TTC28: variants seen among roughly 807,000 people sequenced by gnomAD.
TTC28 encodes the protein tetratricopeptide repeat protein 28.
Under a neutral mutation model 198.0 loss-of-function variants are expected in TTC28, and 61 were observed. The observed-to-expected ratio is 0.31, with a 90% CI of 0.25 to 0.38. The LOEUF (loss-of-function observed/expected upper bound fraction) is 0.38. Ranked by LOEUF, TTC28 falls within the 10% of genes least tolerant of loss-of-function variation. The probability of loss-of-function intolerance (pLI) is 1.00; values close to 1 mark genes in which losing one functional copy is unlikely to be tolerated. For synonymous variants in TTC28, 1,171 were observed against 1,297.8 expected (o/e 0.90, Z 2.10); for missense variants, 2,678 against 3,164.0 (o/e 0.85, Z 3.69).
Position 27,985,101 on chromosome 22 carries a change from G to A in TTC28, c.5815+148C>T, listed in dbSNP as rs1009070364. Reference sequence around the variant, plus strand: ...CAGGGAGTTTTTGTTTCCTGCTCCTGAATAGTCCCTAACTGTTCCCTAACA... The same window carrying A: ...CAGGGAGTTTTTGTTTCCTGCTCCTAAATAGTCCCTAACTGTTCCCTAACA... On this transcript the variant is annotated intron_variant, in intron 22 of 22. Transcript: ENST00000397906. 281 of 586,240 alleles carry A rather than the reference G, an allele frequency of 4.8e-4. 2 individuals carry two copies. Among genetic ancestry groups the A allele is most frequent in the Non-Finnish European group, 1.0e-4 (34 of 334,490 alleles). The allele number at this position is 586,240 out of a possible 1,614,324, so 36.3% of individuals were successfully genotyped here. A position where few individuals can be genotyped will look rare whatever the true frequency, so the allele number is the denominator to read the frequency against.
At chr22:28,225,362 AAAAG>A (rs1389231025) in intron 5 of TTC28, among the ~76,000 whole-genome samples, 2,127 of 108,934 alleles carry the variant, frequency 0.02, 67 homozygotes, top group African/African-American at 0.077. Flanking sequence ...GTTAAAAAAA[AAAAG>A]AAAAGAAGAA....
intron 12 of TTC28, among the ~76,000 whole-genome samples, chr22:28,089,666 AT>A (rs1371638933): frequency 1.3e-5 from 2 of 150,500 alleles, no homozygotes; most frequent in Admixed American, 1.3e-4. Context: ...AAGTATAATA[AT>A]AATAAAATAA....
chr22:28,182,170 G>A (rs560590416), intron 5 of TTC28, among the ~76,000 whole-genome samples: 2 of 152,256 alleles, frequency 1.3e-5, no homozygotes, highest in African/African-American at 4.8e-5. Context: ...TGGAGGGTGT[G>A]TAACCTAGCT....
At chr22:28,364,292 T>C (rs1449804834) in intron 2 of TTC28, among the ~76,000 whole-genome samples, 5 of 152,196 alleles carry the variant, frequency 3.3e-5, no homozygotes, top group East Asian at 1.9e-4. Flanking sequence ...CTGCCATCCA[T>C]GTAAGATGTG....
intron 2 of TTC28, among the ~76,000 whole-genome samples, chr22:28,480,294 C>A (rs1250611866): frequency 6.6e-6 from 1 of 152,126 alleles, no homozygotes; most frequent in African/African-American, 2.4e-5. Flanking sequence ...TCTCATGTAA[C>A]TAAGCTATAC....
intron 5 of TTC28, among the ~76,000 whole-genome samples, chr22:28,184,399 G>A (rs1363585729): frequency 1.3e-5 from 2 of 151,954 alleles, no homozygotes; most frequent in African/African-American, 4.8e-5. Flanking sequence ...CCCTTGTGTG[G>A]CATTTGTCAG....
chr22:28,101,423 T>C, intron 8 of TTC28, 143 bp from the exon 9 acceptor site: 1 of 695,228 alleles, frequency 1.4e-6, no homozygotes, highest in Non-Finnish European at 2.4e-6. Context: ...TGGAGTGCAG[T>C]GGCAGCTCAC....
chr22:28,131,230 AT>A (rs936082761), intron 6 of TTC28, among the ~76,000 whole-genome samples: 8 of 151,782 alleles, frequency 5.3e-5, no homozygotes, highest in East Asian at 1.9e-4. Context: ...TTAAAAACAC[AT>A]TTTTTTTTCT....
chr22:28,554,852 C>T (rs113406169), intron 2 of TTC28, among the ~76,000 whole-genome samples: 19 of 152,052 alleles, frequency 1.2e-4, no homozygotes, highest in African/African-American at 4.6e-4. Context: ...GCCTGGGTAA[C>T]AGAGTGAGAC....
chr22:28,227,423 C>T (rs1176778298), intron 5 of TTC28, among the ~76,000 whole-genome samples: 2 of 151,984 alleles, frequency 1.3e-5, no homozygotes, highest in Non-Finnish European at 2.9e-5. Context: ...TTTTGTGTAT[C>T]GAAGGTCACT....
intron 6 of TTC28, among the ~76,000 whole-genome samples, chr22:28,128,950 A>C (rs2146958365): frequency 6.6e-6 from 1 of 152,360 alleles, no homozygotes; most frequent in Non-Finnish European, 1.5e-5. Flanking sequence ...GTAAGAAGTA[A>C]GACAACTGAG....
chr22:28,228,708 A>C (rs1403175636), intron 5 of TTC28, among the ~76,000 whole-genome samples: 2 of 151,988 alleles, frequency 1.3e-5, no homozygotes, highest in African/African-American at 4.8e-5. Flanking sequence ...AAAAACAAAA[A>C]CAAAAACAAA....
chr22:28,122,343 T>C (rs1364872462), intron 6 of TTC28, among the ~76,000 whole-genome samples: 1 of 152,208 alleles, frequency 6.6e-6, no homozygotes, highest in African/African-American at 2.4e-5. Context: ...TCTGAACCAA[T>C]GTCAGGTGCC....
intron 7 of TTC28, among the ~76,000 whole-genome samples, 190 bp downstream of exon 7, chr22:28,106,872 T>C (rs955067409): frequency 6.6e-6 from 1 of 152,194 alleles, no homozygotes; most frequent in Non-Finnish European, 1.5e-5. Flanking sequence ...TGGGCTTTAG[T>C]TTCTTCATCC....
At chr22:28,295,301 T>C (rs1298835329) in intron 5 of TTC28, among the ~76,000 whole-genome samples, 1 of 152,202 alleles carries the variant, frequency 6.6e-6, no homozygotes, top group African/African-American at 2.4e-5. Context: ...ACTAAACATA[T>C]TTCTCAACAC....
At chr22:28,475,149 C>CAA (rs386395148) in intron 2 of TTC28, among the ~76,000 whole-genome samples, 2,187 of 64,814 alleles carry the variant, frequency 0.034, 64 homozygotes, top group Non-Finnish European at 0.039. Context: ...GACTCCATCT[C>CAA]AAAAAAAAAA....
intron 5 of TTC28, among the ~76,000 whole-genome samples, chr22:28,240,054 A>G (rs1047003339): frequency 2.6e-5 from 4 of 152,236 alleles, no homozygotes; most frequent in African/African-American, 9.6e-5. Flanking sequence ...ACAGAAATGA[A>G]TGAATCTGAC....
At position 28,425,757 on chromosome 22, in the gene TTC28, T is replaced by C. The variant is rs562090508; in HGVS notation, c.382-119114A>G. On this transcript the variant is annotated intron_variant, in intron 2 of 22. Transcript: ENST00000397906. Reference sequence around the variant, plus strand: ...CAAGGCCTTGAAGAATGAGTTCAACTTGGGCAAGCTGCGATGGAATGAGGG... The same window carrying C: ...CAAGGCCTTGAAGAATGAGTTCAACCTGGGCAAGCTGCGATGGAATGAGGG... Among the ~76,000 whole-genome samples the C allele has an allele frequency of 2.0e-5, 3 of 152,128 alleles. No individual in the cohort carries two copies. In the East Asian group the frequency reaches 5.8e-4, roughly 29 times the overall value.
chr22:28,375,445 C>T (rs1305833953), intron 2 of TTC28, among the ~76,000 whole-genome samples: 2 of 152,170 alleles, frequency 1.3e-5, no homozygotes, highest in African/African-American at 2.4e-5. Flanking sequence ...AATTACTATA[C>T]TATTCTGACC....
Sources: allele counts gnomAD v4.1 joint callset (sites outside exome capture counted in the v4.1 genomes callset), GRCh38; gene constraint gnomAD v4.1.1; transcripts MANE v1.5; gene names NCBI Gene and HGNC (gene_info 2026-07-23, HGNC 2026-07-21).